Variants in MKLN1 observed in about 807,000 individuals in gnomAD.
MKLN1 encodes the protein muskelin.
In MKLN1, 18 loss-of-function variants were observed where a neutral mutation model predicts 99.0. The observed-to-expected ratio is 0.18, with a 90% CI of 0.13 to 0.27. MKLN1 has a LOEUF of 0.27. MKLN1 is among the 10% of genes least tolerant of loss of function. The pLI is 1.00. For synonymous variants in MKLN1, 288 were observed against 293.2 expected (o/e 0.98, Z 0.18); for missense variants, 621 against 875.9 (o/e 0.71, Z 3.67).
At chr7:131,445,089 T>C (rs575421837) in intron 11 of MKLN1, among the ~76,000 whole-genome samples, 2 of 152,166 alleles carry the variant, frequency 1.3e-5, no homozygotes, top group Non-Finnish European at 2.9e-5. Context: ...TTTTTCTGTT[T>C]AGGATTTAGA....
chr7:131,367,373 C>T (rs1187798062), intron 1 of MKLN1, among the ~76,000 whole-genome samples: 1 of 152,130 alleles, frequency 6.6e-6, no homozygotes, highest in African/African-American at 2.4e-5. Flanking sequence ...TTTAATTTAA[C>T]TCTAGTTGGC....
intron 9 of MKLN1, among the ~76,000 whole-genome samples, chr7:131,430,311 G>A (rs1795486014): frequency 6.6e-6 from 1 of 151,926 alleles, no homozygotes; most frequent in Admixed American, 6.5e-5. Context: ...TCACTGGACA[G>A]TTTTTATTTT....
At chr7:131,204,972 C>T (rs1796787330) in intron 3 of MKLN1, among the ~76,000 whole-genome samples, 1 of 150,694 alleles carries the variant, frequency 6.6e-6, no homozygotes, top group Non-Finnish European at 1.5e-5. Context: ...GTGGTGGGCA[C>T]CTGTAACCCT....
intron 2 of MKLN1, among the ~76,000 whole-genome samples, chr7:131,171,657 C>G (rs776272956): frequency 6.2e-4 from 94 of 152,182 alleles, no homozygotes; most frequent in Middle Eastern, 3.4e-3. Flanking sequence ...AGGGTTTCAC[C>G]ATGTTGGCCA....
At chr7:131,366,473 A>AT (rs1179330371) in intron 1 of MKLN1, among the ~76,000 whole-genome samples, 1 of 152,084 alleles carries the variant, frequency 6.6e-6, no homozygotes, top group Non-Finnish European at 1.5e-5. Context: ...TAAATGCTCA[A>AT]TTTTTTGCCC....
At chr7:131,474,528 C>T (rs574) in intron 16 of MKLN1, among the ~76,000 whole-genome samples, 1 of 152,156 alleles carries the variant, frequency 6.6e-6, no homozygotes, top group Non-Finnish European at 1.5e-5. Flanking sequence ...ATACAGTTCA[C>T]TTATTTAATC....
At position 131,495,865 on chromosome 7, in the gene MKLN1, A is replaced by G; in HGVS notation, c.*8137A>G. 6.6e-6 allele frequency: 1 copy of G among 152,170 alleles called. No homozygotes were observed. The highest frequency in any genetic ancestry group is 1.9e-4 in the East Asian group (1 of 5,198). 9.4% of individuals were successfully genotyped at this position (152,170 alleles called of 1,614,324 possible). A position where few individuals can be genotyped will look rare whatever the true frequency, so the allele number is the denominator to read the frequency against. ...ATTGGAATTTCTAAGTCCGTTATGC[A>G]CCATTATGGGCATATGGAGCATATT... On this transcript the variant is annotated 3_prime_UTR_variant, in exon 18 of 18. Coordinates refer to ENST00000352689, the MANE Select transcript of MKLN1 (RefSeq NM_013255.5).
intron 1 of MKLN1, among the ~76,000 whole-genome samples, chr7:131,337,334 A>G (rs1799277439): frequency 6.6e-6 from 1 of 152,060 alleles, no homozygotes; most frequent in Non-Finnish European, 1.5e-5. Flanking sequence ...TGTGACTCCA[A>G]TTAAATCTTT....
intron 3 of MKLN1, among the ~76,000 whole-genome samples, chr7:131,216,021 A>C (rs145567567): frequency 5.3e-5 from 8 of 152,222 alleles, no homozygotes; most frequent in Non-Finnish European, 1.2e-4. Flanking sequence ...CCATTCTAGC[A>C]TCCCCTGCCT....
chr7:131,263,346 TTAA>T (rs79364750), intron 3 of MKLN1, among the ~76,000 whole-genome samples: 8 of 128,146 alleles, frequency 6.2e-5, no homozygotes, highest in South Asian at 3.2e-4. Context: ...TCTACAATTA[TTAA>T]TAATAATAAT....
intron 2 of MKLN1, among the ~76,000 whole-genome samples, chr7:131,192,097 T>TGTATATATATATTATATATATAC (rs1796556203): frequency 2.6e-5 from 2 of 76,858 alleles, no homozygotes; most frequent in African/African-American, 5.8e-5. Flanking sequence ...TATATATATA[T>TGTATATATATATTATATATATAC]GTATATATAT....
At chr7:131,312,946 G>C (rs939140822) in intron 3 of MKLN1, among the ~76,000 whole-genome samples, 1 of 152,178 alleles carries the variant, frequency 6.6e-6, no homozygotes, top group African/African-American at 2.4e-5. Context: ...CCCAGGCACT[G>C]TCCCCAGGGC....
chr7:131,416,979 C>CA (rs374145180), intron 8 of MKLN1, among the ~76,000 whole-genome samples: 3,477 of 46,498 alleles, frequency 0.075, 117 homozygotes, highest in African/African-American at 0.11. Context: ...GCAACCCTGT[C>CA]AAAAAAAAAA....
chr7:131,159,675 T>A (rs1796018692), intron 2 of MKLN1, among the ~76,000 whole-genome samples: 1 of 152,162 alleles, frequency 6.6e-6, no homozygotes, highest in South Asian at 2.1e-4. Flanking sequence ...AAATTAAAGT[T>A]GACTATAATT....
chr7:131,307,288 T>A (rs4731790), intron 3 of MKLN1, among the ~76,000 whole-genome samples: 74,444 of 151,920 alleles, frequency 0.49, 18,781 homozygotes, highest in Admixed American at 0.6. Context: ...GCAGGGGTAG[T>A]GCCCTCATGG....
Position 131,445,412 on chromosome 7 carries a change from A to G in MKLN1, c.1396-362A>G, listed in dbSNP as rs1054185466. Among the ~76,000 whole-genome samples, 29 of 152,038 alleles carry G rather than the reference A, an allele frequency of 1.9e-4. 1 individual carries two copies. Among genetic ancestry groups the G allele is most frequent in the Non-Finnish European group, 1.5e-5 (1 of 68,002 alleles). On this transcript the variant is annotated intron_variant, in intron 11 of 17. Transcript: ENST00000352689. ...TTTTTCAAAAAAAGAAGCAATCTCT[A>G]TTCTCGCTCTCGCTTGCGTGCTCTC...
intron 1 of MKLN1, among the ~76,000 whole-genome samples, chr7:131,333,439 C>T (rs1389753726): frequency 1.3e-5 from 2 of 152,062 alleles, no homozygotes; most frequent in Non-Finnish European, 2.9e-5. Flanking sequence ...TAATTGGTCC[C>T]GTGTTATTAG....
rs571319781 is a variant in MKLN1, at chr7:131,117,387, G to A, written c.-419+7180G>A. ...AGAGATTGCAGTGAGCCAAGATTGC[G>A]CCACTGCACTCCAGCCTGGGCGACA... On this transcript the variant is annotated intron_variant, in intron 1 of 7. Transcript: ENST00000416992. Among the ~76,000 whole-genome samples, 322 of 151,716 alleles carry A rather than the reference G, an allele frequency of 2.1e-3. 1 individual carries two copies. The highest frequency in any genetic ancestry group is 3.6e-3 in the Non-Finnish European group (247 of 67,938).
intron 3 of MKLN1, among the ~76,000 whole-genome samples, chr7:131,320,935 T>TGCTG (rs1336622279): frequency 1.3e-5 from 2 of 152,184 alleles, no homozygotes; most frequent in African/African-American, 4.8e-5. Context: ...AAACAACAGA[T>TGCTG]GCTGGCAATG....
Sources: allele counts gnomAD v4.1 joint callset (sites outside exome capture counted in the v4.1 genomes callset), GRCh38; gene constraint gnomAD v4.1.1; transcripts MANE v1.5; gene names NCBI Gene and HGNC (gene_info 2026-07-23, HGNC 2026-07-21).